PKHD1: variants seen among roughly 807,000 people sequenced by gnomAD.
PKHD1 encodes the protein fibrocystin.
Under a neutral mutation model 412.0 loss-of-function variants are expected in PKHD1, and 291 were observed. That is an observed-to-expected ratio of 0.71 (90% CI 0.64 to 0.78). PKHD1 has a LOEUF of 0.78. Ranked by LOEUF, PKHD1 falls within the 30% of genes least tolerant of loss-of-function variation. The probability of loss-of-function intolerance (pLI) is 0.00; values close to 1 mark genes in which losing one functional copy is unlikely to be tolerated. For synonymous variants in PKHD1, 1,777 were observed against 1,821.5 expected (o/e 0.98, Z 0.62); for missense variants, 4,825 against 4,950.7 (o/e 0.97, Z 0.76).
intron 8 of PKHD1, 129 bp from the exon 9 acceptor site, chr6:52,071,199 T>C (rs761985923): frequency 2.2e-5 from 16 of 728,126 alleles, no homozygotes; most frequent in Non-Finnish European, 4.1e-5. Flanking sequence ...ACAGAGAAAG[T>C]ATAATGAGTT....
chr6:51,922,080 G>A (rs1784799545), intron 37 of PKHD1, among the ~76,000 whole-genome samples: 1 of 152,182 alleles, frequency 6.6e-6, no homozygotes, highest in African/African-American at 2.4e-5. Flanking sequence ...TCTACCTTTG[G>A]TCTTTGATGA....
At position 51,721,410 on chromosome 6, in the gene PKHD1, C is replaced by T. The variant is rs1375005926; in HGVS notation, c.10156+22975G>A. The T allele has an allele frequency of 5.8e-6, 3 of 512,952 alleles. No individual in the cohort carries two copies. The African/African-American group carries it at 6.3e-5, about 11-fold the overall frequency. 31.8% of individuals were successfully genotyped at this position (512,952 alleles called of 1,614,324 possible). A position where few individuals can be genotyped will look rare whatever the true frequency, so the allele number is the denominator to read the frequency against. On this transcript the variant is annotated intron_variant, in intron 60 of 66. Transcript: ENST00000371117. ...TACCAATAATAATATATTAATATGCCAATAATAATAATATCTCAATATAAT... is the reference window on the plus strand; with the variant it reads ...TACCAATAATAATATATTAATATGCTAATAATAATAATATCTCAATATAAT...
chr6:52,086,545 G>A (rs1040201641), intron 1 of PKHD1, among the ~76,000 whole-genome samples: 1 of 151,752 alleles, frequency 6.6e-6, no homozygotes, highest in Non-Finnish European at 1.5e-5. Flanking sequence ...CTCACCTTAC[G>A]GGCATGTTCT....
intron 60 of PKHD1, chr6:51,682,327 C>T (rs1321829907): frequency 4.7e-6 from 2 of 429,814 alleles, no homozygotes; most frequent in African/African-American, 4.1e-5. Flanking sequence ...TTCACTTTTT[C>T]TAATACCTGA....
chr6:51,754,759 C>T (rs1786683827), intron 56 of PKHD1, 25 bp downstream of exon 56: 2 of 1,609,434 alleles, frequency 1.2e-6, no homozygotes, highest in South Asian at 1.1e-5. Context: ...ATTCACTTAC[C>T]TTAACCAACA....
chr6:52,006,484 C>G (rs1377854650), intron 35 of PKHD1, among the ~76,000 whole-genome samples: 2 of 152,132 alleles, frequency 1.3e-5, no homozygotes, highest in African/African-American at 4.8e-5. Context: ...TCAAGCAATT[C>G]CCCTGTCTCA....
chr6:51,911,962 GAA>G lies in PKHD1; in HGVS notation c.6333-8_6333-7del, dbSNP rs138161138. 6.5e-3 allele frequency: 10,497 copies of G among 1,606,474 alleles called. 630 individuals carry two copies. In the African/African-American group the frequency reaches 0.12, roughly 19 times the overall value. ...CTGTAAAGTTGTGAGAATATCTGGA[GAA>G]AAAAAGAGGATGATAGAACTGAGGA... On this transcript the variant is annotated splice_polypyrimidine_tract_variant and splice_region_variant and intron_variant, in intron 38 of 66. Coordinates refer to ENST00000371117, the MANE Select transcript of PKHD1 (RefSeq NM_138694.4).
intron 60 of PKHD1, among the ~76,000 whole-genome samples, chr6:51,715,604 C>T (rs1175348197): frequency 6.6e-6 from 1 of 152,110 alleles, no homozygotes; most frequent in Non-Finnish European, 1.5e-5. Context: ...GGGTTTTGGT[C>T]TTTTTGAGCA....
intron 50 of PKHD1, among the ~76,000 whole-genome samples, chr6:51,845,062 A>C (rs1221814930): frequency 2.0e-5 from 3 of 152,248 alleles, no homozygotes; most frequent in East Asian, 3.8e-4. Flanking sequence ...AGTGAAAGTT[A>C]CAATCTAATC....
chr6:51,961,836 C>A (rs779020501), intron 35 of PKHD1, among the ~76,000 whole-genome samples: 3 of 152,018 alleles, frequency 2.0e-5, no homozygotes, highest in Admixed American at 2.0e-4. Context: ...AGGACTCTAG[C>A]AAAATCCTAT....
chr6:51,780,785 T>C (rs1170405717), intron 53 of PKHD1, among the ~76,000 whole-genome samples: 1 of 152,174 alleles, frequency 6.6e-6, no homozygotes, highest in Admixed American at 6.5e-5. Flanking sequence ...CCGAGAATAC[T>C]CTTCAATGAG....
At chr6:51,990,810 A>T (rs1562076216) in intron 35 of PKHD1, among the ~76,000 whole-genome samples, 1 of 151,934 alleles carries the variant, frequency 6.6e-6, no homozygotes, top group South Asian at 2.1e-4. Flanking sequence ...CATCATGATT[A>T]AGAGAAAGTT....
intron 60 of PKHD1, among the ~76,000 whole-genome samples, chr6:51,680,617 G>A (rs1281794805): frequency 6.6e-6 from 1 of 151,980 alleles, no homozygotes; most frequent in Non-Finnish European, 1.5e-5. Flanking sequence ...ACAAGAAAGT[G>A]CCATAAAATT....
rs750093847 is a variant in PKHD1 at position 52,044,980 on chromosome 6, T to C, written c.2701A>G (p.Asn901Asp). Residue 901 changes from asparagine to aspartate, a missense_variant, in exon 25 of 67, where the codon AAC becomes GAC. By Grantham distance (23) the Asn-to-Asp change is conservative (BLOSUM62 1). Coordinates refer to ENST00000371117, the MANE Select transcript of PKHD1 (RefSeq NM_138694.4). ...TTCACTCTCACCTGAGTATGCTGGT[T>C]GGCAGTAGCCAACATGTCTCCAAAT... ...PIFGDMLATA[N>D]QHTQVVVRVN... 6.8e-6 allele frequency: 11 copies of C among 1,613,610 alleles called. No homozygotes were observed. Among genetic ancestry groups the C allele is most frequent in the Non-Finnish European group, 9.3e-6 (11 of 1,179,590 alleles).
rs1433393902 is a variant in PKHD1, at chr6:51,748,014, C to T, written c.9602G>A (p.Arg3201Lys). Residue 3201 changes from arginine to lysine, a missense_variant, in exon 58 of 67, where the codon AGG becomes AAG. Transcript: ENST00000371117. ...NSVKKVQIVLRNSVIVATSSS... is the reference protein window; with the variant it reads ...NSVKKVQIVLKNSVIVATSSS... ...GCTGGTGGCCACAATGACTGAATTC[C>T]TAAGCACAATCTGCACTTTTTTGAC... is the stretch of plus-strand genomic sequence containing the variant. 5 of 1,613,978 alleles carry T rather than the reference C, an allele frequency of 3.1e-6. No homozygotes were observed. Among genetic ancestry groups the T allele is most frequent in the African/African-American group, 2.7e-5 (2 of 74,920 alleles).
At chr6:51,828,600 A>G (rs1767722903) in intron 52 of PKHD1, among the ~76,000 whole-genome samples, 1 of 152,172 alleles carries the variant, frequency 6.6e-6, no homozygotes, top group African/African-American at 2.4e-5. Context: ...CTGCTATTGA[A>G]TTATGGATGG....
intron 39 of PKHD1, among the ~76,000 whole-genome samples, chr6:51,911,212 A>G (rs1782896401): frequency 6.6e-6 from 1 of 152,168 alleles, no homozygotes; most frequent in Non-Finnish European, 1.5e-5. Context: ...CTCATAATCT[A>G]CAGCCTGGGA....
At chr6:51,714,979 C>G (rs912343799) in intron 60 of PKHD1, among the ~76,000 whole-genome samples, 13 of 151,404 alleles carry the variant, frequency 8.6e-5, no homozygotes, top group African/African-American at 1.9e-4. Context: ...TTGGAATTTT[C>G]ACAAATTCCA....
intron 35 of PKHD1, among the ~76,000 whole-genome samples, chr6:51,996,915 T>C (rs1004408186): frequency 3.9e-5 from 6 of 152,218 alleles, no homozygotes; most frequent in African/African-American, 1.4e-4. Context: ...ACTGCTACCA[T>C]ATTTTTACCC....
Sources: allele counts gnomAD v4.1 joint callset (sites outside exome capture counted in the v4.1 genomes callset), GRCh38; gene constraint gnomAD v4.1.1; transcripts MANE v1.5; gene names NCBI Gene and HGNC (gene_info 2026-07-23, HGNC 2026-07-21).